The following PIP5K1C variants were observed in gnomAD, a reference collection of about 807,000 sequenced individuals.
PIP5K1C encodes phosphatidylinositol 4-phosphate 5-kinase type-1 gamma.
In PIP5K1C, 45 loss-of-function variants were observed where a neutral mutation model predicts 80.1. That is an observed-to-expected ratio of 0.56 (90% confidence interval 0.44 to 0.72). The LOEUF is 0.72. Among genes scored for constraint, PIP5K1C ranks in the 30% least tolerant of loss-of-function variants. PIP5K1C has a pLI of 0.00. For synonymous variants in PIP5K1C, 498 were observed against 420.1 expected (o/e 1.19, Z -2.27); for missense variants, 753 against 954.6 (o/e 0.79, Z 2.78).
At chr19:3,660,857 C>A in intron 5 of PIP5K1C, 109 bp downstream of exon 5, 1 of 825,264 alleles carries the variant, frequency 1.2e-6, no homozygotes. Context: ...CATAACCCTA[C>A]ACGAGGAACC....
chr19:3,656,986 T>A (rs1599986763), intron 5 of PIP5K1C, among the ~76,000 whole-genome samples: 1 of 152,350 alleles, frequency 6.6e-6, no homozygotes, highest in East Asian at 1.9e-4. Context: ...GCAGCTGGCA[T>A]ACCTGCGTAT....
chr19:3,647,236 G>A lies in PIP5K1C; in HGVS notation c.1260+102C>T, dbSNP rs546479268. The A allele has an allele frequency of 1.4e-5, 14 of 1,016,542 alleles. 1 individual carries two copies. Among genetic ancestry groups the A allele is most frequent in the South Asian group, 6.8e-5 (5 of 73,110 alleles). The allele number at this position is 1,016,542 out of a possible 1,614,324, so 63.0% of individuals were successfully genotyped here. A position where few individuals can be genotyped will look rare whatever the true frequency, so the allele number is the denominator to read the frequency against. On this transcript the variant is annotated intron_variant, in intron 10 of 17. Transcript: ENST00000335312. ...GGATGGGAGGAGGGATGGGAGGAGG[G>A]TGCAGGCACTCACAGAGGGAGGAGG... is the stretch of plus-strand genomic sequence containing the variant.
At chr19:3,682,940 C>CCCCCTCCCCACCCCTCCTGTCCTT (rs2035631679) in intron 1 of PIP5K1C, among the ~76,000 whole-genome samples, 2 of 133,802 alleles carry the variant, frequency 1.5e-5, no homozygotes, top group Non-Finnish European at 3.2e-5. Context: ...CTCCCCTCCT[C>CCCCCTCCCCACCCCTCCTGTCCTT]CCCCTCCCCT....
intron 12 of PIP5K1C, 148 bp from the exon 13 acceptor site, chr19:3,643,529 A>G (rs2034072587): frequency 2.2e-6 from 2 of 900,780 alleles, no homozygotes; most frequent in Non-Finnish European, 1.7e-6. Flanking sequence ...CACGGCAGGG[A>G]AGGACGACGT....
chr19:3,668,819 G>C (rs551679028), intron 1 of PIP5K1C, among the ~76,000 whole-genome samples: 1 of 152,180 alleles, frequency 6.6e-6, no homozygotes, highest in African/African-American at 2.4e-5. Context: ...GCTCAGTGCC[G>C]AACAAGGATG....
At chr19:3,634,599 T>G (rs541299092) in intron 16 of PIP5K1C, among the ~76,000 whole-genome samples, 1 of 152,300 alleles carries the variant, frequency 6.6e-6, no homozygotes, top group South Asian at 2.1e-4. Flanking sequence ...GTCCTTCCAG[T>G]CAGGATGACG....
At chr19:3,683,939 C>G (rs1382050631) in intron 1 of PIP5K1C, among the ~76,000 whole-genome samples, 1 of 141,720 alleles carries the variant, frequency 7.1e-6, no homozygotes, top group Non-Finnish European at 1.5e-5. Context: ...CCCCCCCACG[C>G]TGGAGCCCCC....
chr19:3,636,855 C>G, intron 16 of PIP5K1C: 2 of 993,964 alleles, frequency 2.0e-6, no homozygotes, highest in Non-Finnish European at 2.4e-6. Flanking sequence ...CTTAGGCTCT[C>G]TGGGCCCCTT....
intron 7 of PIP5K1C, among the ~76,000 whole-genome samples, chr19:3,652,867 G>A (rs2034500924): frequency 6.6e-6 from 1 of 152,146 alleles, no homozygotes; most frequent in South Asian, 2.1e-4. Context: ...TCTTCTCTGG[G>A]GGGTGGGGGG....
chr19:3,688,161 G>GTCCCCACCTCCTTGCGCGC lies in PIP5K1C; in HGVS notation c.94+12117_94+12135dup, dbSNP rs1447709410. Among the ~76,000 whole-genome samples, 13 of 152,200 alleles carry GTCCCCACCTCCTTGCGCGC rather than the reference G, an allele frequency of 8.5e-5. No homozygotes were observed. The highest frequency in any genetic ancestry group is 3.1e-4 in the African/African-American group (13 of 41,464). Reference sequence around the variant, plus strand: ...CTCCCGCAGCCAGGGTCTGCGCGTGGTCCCCACCTCCTTGCGCGCTCCGTC... The same window carrying GTCCCCACCTCCTTGCGCGC: ...CTCCCGCAGCCAGGGTCTGCGCGTGGTCCCCACCTCCTTGCGCGCTCCCCACCTCCTTGCGCGCTCCGTC... On this transcript the variant is annotated intron_variant, in intron 1 of 17. Coordinates refer to ENST00000335312, the MANE Select transcript of PIP5K1C (RefSeq NM_012398.3). This position sits in a 1 kb window ranked among gnomAD's most constrained non-coding sequence, Gnocchi z 5.3.
In PIP5K1C at chr19:3,637,285, C is replaced by T. The variant is rs2033727715; in HGVS notation, c.1920+1599G>A. On this transcript the variant is annotated intron_variant, in intron 16 of 17. Transcript: ENST00000335312. This position sits in a 1 kb window ranked among gnomAD's most constrained non-coding sequence, Gnocchi z 7.0. The stretch of plus-strand genomic sequence containing the variant: ...GCAGACCCTGGGCCTCAGCTGTGCA[C>T]CTGGTGATGGTGCTGCCCTATGGAG... The T allele has an allele frequency of 1.3e-5, 20 of 1,490,028 alleles. No individual in the cohort carries two copies. The highest frequency in any genetic ancestry group is 1.4e-5 in the Non-Finnish European group (16 of 1,122,220). 92.3% of individuals were successfully genotyped at this position (1,490,028 alleles called of 1,614,324 possible).
chr19:3,671,205 G>A (rs1284715757), intron 1 of PIP5K1C, among the ~76,000 whole-genome samples: 1 of 152,204 alleles, frequency 6.6e-6, no homozygotes, highest in East Asian at 1.9e-4. Flanking sequence ...ACCCCTCTGG[G>A]GCCCCCCCAC....
At chr19:3,673,939 C>G (rs1747182035) in intron 1 of PIP5K1C, 1 of 152,288 alleles carries the variant, frequency 6.6e-6, no homozygotes, top group African/African-American at 2.4e-5. Flanking sequence ...TGCAGAAAGG[C>G]CTTCTGTGGC....
intron 10 of PIP5K1C, among the ~76,000 whole-genome samples, chr19:3,646,806 T>C (rs1397585864): frequency 1.3e-5 from 2 of 152,114 alleles, no homozygotes; most frequent in Non-Finnish European, 2.9e-5. Context: ...CAGGCTGTGG[T>C]CACACAGACG....
intron 1 of PIP5K1C, among the ~76,000 whole-genome samples, chr19:3,676,311 G>A (rs527611130): frequency 1.2e-4 from 19 of 152,274 alleles, no homozygotes; most frequent in African/African-American, 4.1e-4. Context: ...GCGAGTCGCC[G>A]TAAACTGTCA....
chr19:3,638,114 G>T, intron 16 of PIP5K1C: 1 of 1,368,070 alleles, frequency 7.3e-7, no homozygotes, highest in Non-Finnish European at 9.6e-7. Flanking sequence ...GGGGTGCAGG[G>T]TGAGAACAAA....
At chr19:3,636,459 G>A in intron 16 of PIP5K1C, 1 of 985,604 alleles carries the variant, frequency 1.0e-6, no homozygotes, top group Non-Finnish European at 1.2e-6. Flanking sequence ...CAAGTCAGGT[G>A]TTTTTCAAAG....
intron 1 of PIP5K1C, among the ~76,000 whole-genome samples, chr19:3,694,028 C>T (rs867999941): frequency 7.2e-5 from 11 of 152,100 alleles, no homozygotes; most frequent in African/African-American, 2.2e-4. Context: ...CTGGCTAACA[C>T]GGTGAAACCC....
At chr19:3,690,302 G>A (rs920985216) in intron 1 of PIP5K1C, among the ~76,000 whole-genome samples, 20 of 152,036 alleles carry the variant, frequency 1.3e-4, no homozygotes, top group African/African-American at 4.6e-4. Flanking sequence ...CTCGAGACCA[G>A]CCCAGGCAAC....
Sources: allele counts gnomAD v4.1 joint callset (sites outside exome capture counted in the v4.1 genomes callset), GRCh38; gene constraint gnomAD v4.1.1; non-coding constraint Gnocchi (gnomAD v3.1); transcripts MANE v1.5; gene names NCBI Gene and HGNC (gene_info 2026-07-23, HGNC 2026-07-21).